Variants in LRP1 observed in about 807,000 individuals in gnomAD.
The protein encoded by LRP1 is LDL receptor related protein 1.
Under a neutral mutation model 541.5 loss-of-function variants are expected in LRP1, and 51 were observed. That is an observed-to-expected ratio of 0.09 (90% CI 0.08 to 0.12). LRP1 has a LOEUF of 0.12. Among genes scored for constraint, LRP1 ranks in the 10% least tolerant of loss-of-function variants. The pLI is 1.00. For missense variants in LRP1, 3,878 were observed against 6,376.2 expected (o/e 0.61, Z 13.34); for synonymous variants, 2,219 against 2,470.8 (o/e 0.90, Z 3.02).
At chr12:57,196,861 C>T in intron 55 of LRP1, 121 bp from the exon 56 acceptor site, 1 of 821,060 alleles carries the variant, frequency 1.2e-6, no homozygotes. Context: ...GGGCTCAGTA[C>T]CCATATGCTG....
chr12:57,200,826 G>GCCCCCCCCACCCCCCCCCC lies in LRP1; in HGVS notation c.10225+14_10225+15insCCCCCACCCCCCCCCCCCC. 6.3e-7 allele frequency: 1 copy of GCCCCCCCCACCCCCCCCCC among 1,581,438 alleles called. No individual in the cohort carries two copies. Among genetic ancestry groups the GCCCCCCCCACCCCCCCCCC allele is most frequent in the Non-Finnish European group, 8.6e-7 (1 of 1,157,680 alleles). On this transcript the variant is annotated intron_variant, in intron 64 of 88. Coordinates refer to ENST00000243077, the MANE Select transcript of LRP1 (RefSeq NM_002332.3). ...ACGAGGCCAACTGTGGTAAGGCGCT[G>GCCCCCCCCACCCCCCCCCC]CCCGCCCACCCTCCCTCCTTCCCCA...
At chr12:57,136,720 C>T (rs983887763) in intron 1 of LRP1, among the ~76,000 whole-genome samples, 2 of 152,134 alleles carry the variant, frequency 1.3e-5, no homozygotes, top group African/African-American at 4.8e-5. Context: ...AGTGGGAATT[C>T]GGAGGACTGG....
Position 57,194,416 on chromosome 12 carries a change from G to A in LRP1, c.7981G>A (p.Glu2661Lys), listed in dbSNP as rs931740760. ...GAAGGGCGTGCTCTTCCAGCCCTGC[G>A]AGCGGACCTCACTCTGCTACGCACC... ...GVKGVLFQPC[E>K]RTSLCYAPSW... The change falls in exon 49 of 89, where the codon GAG becomes AAG. Residue 2661 changes from glutamate (E) to lysine (K), a missense_variant. Glu to Lys is a moderately conservative substitution (Grantham distance 56). Around this residue, in one of 13 missense-constraint regions of LRP1, gnomAD observed 1,100 missense variants for 1,827.4 expected, o/e 0.60. Transcript: ENST00000243077. 17 of 1,527,186 alleles carry A rather than the reference G, an allele frequency of 1.1e-5. No individual in the cohort carries two copies. Among genetic ancestry groups the A allele is most frequent in the Admixed American group, 4.3e-5 (2 of 46,578 alleles). 94.6% of individuals were successfully genotyped at this position (1,527,186 alleles called of 1,614,324 possible).
chr12:57,152,897 C>A (rs1004427849), intron 6 of LRP1, among the ~76,000 whole-genome samples: 2 of 152,106 alleles, frequency 1.3e-5, no homozygotes, highest in Non-Finnish European at 2.9e-5. Flanking sequence ...GTTCTTTTTG[C>A]CCCCACCCCA....
rs1379942472 is a variant in LRP1, at chr12:57,156,159, C to T, written c.1293C>T (p.Ala431=). Residue 431 remains alanine, a synonymous_variant, in exon 9 of 89, where the codon GCC becomes GCT. Transcript: ENST00000243077. The surrounding 1 kb of genome is among the most constrained non-coding windows in gnomAD (Gnocchi z 5.2). ...TCTATGCCACCAACTCGGACAATGCCAATGCCCAGCAGAAGACGAGTGTGA... is the reference window on the plus strand; with the variant it reads ...TCTATGCCACCAACTCGGACAATGCTAATGCCCAGCAGAAGACGAGTGTGA... The part of the protein sequence containing the change: ...NYLYATNSDN[A]NAQQKTSVIR... 6.2e-7 allele frequency: 1 copy of T among 1,613,926 alleles called. No individual in the cohort carries two copies. Among genetic ancestry groups the T allele is most frequent in the African/African-American group, 1.3e-5 (1 of 74,872 alleles).
intron 20 of LRP1, among the ~76,000 whole-genome samples, chr12:57,170,896 C>T (rs2035932525): frequency 2.0e-5 from 3 of 152,216 alleles, no homozygotes; most frequent in Admixed American, 1.3e-4. Flanking sequence ...CACTAGATTA[C>T]AGCCTCTGCC....
chr12:57,163,128 G>A (rs2035772045), intron 15 of LRP1, 145 bp downstream of exon 15: 4 of 1,236,224 alleles, frequency 3.2e-6, no homozygotes, highest in Non-Finnish European at 4.4e-6. Context: ...AGCAAGGGAG[G>A]GGGAGAGCAA....
In LRP1 at chr12:57,156,955, GA is replaced by G. The variant is rs1157922023; in HGVS notation, c.1561+36del. ...AGGGAAGGGGGTGTGTGCCCATTGGGAGGCTGCGGGAGGGTTCCTCAGGTGT... is the reference window on the plus strand; with the variant it reads ...AGGGAAGGGGGTGTGTGCCCATTGGGGGCTGCGGGAGGGTTCCTCAGGTGT... On this transcript the variant is annotated intron_variant, in intron 10 of 88. Coordinates refer to ENST00000243077, the MANE Select transcript of LRP1 (RefSeq NM_002332.3). The surrounding 1 kb of genome is among the most constrained non-coding windows in gnomAD (Gnocchi z 5.2). 1.3e-6 allele frequency: 2 copies of G among 1,526,250 alleles called. No individual in the cohort carries two copies. The highest frequency in any genetic ancestry group is 2.4e-5 in the South Asian group (2 of 81,888). The allele number at this position is 1,526,250 out of a possible 1,614,324, so 94.5% of individuals were successfully genotyped here.
In LRP1 at chr12:57,195,761, T is replaced by C. The variant is rs773758802; in HGVS notation, c.8541T>C (p.Ser2847=). The C allele has an allele frequency of 3.7e-6, 6 of 1,614,078 alleles. No individual in the cohort carries two copies. The African/African-American group carries it at 6.7e-5, about 18-fold the overall frequency. Residue 2847 remains serine (S), a synonymous_variant, in exon 53 of 89, where the codon TCT becomes TCC. Transcript: ENST00000243077. The stretch of plus-strand genomic sequence containing the variant: ...ACGACCGTGACTGTGCAGATGGCTC[T>C]GATGAGTCCCCCGAGTGTGGTGAGC... ...CDHDRDCADG[S]DESPECEYPT...
rs2035658135 is a variant in LRP1, at chr12:57,158,182, C to T, written c.1562-220C>T. On this transcript the variant is annotated intron_variant, in intron 10 of 88. Transcript: ENST00000243077. The surrounding 1 kb of genome is among the most constrained non-coding windows in gnomAD (Gnocchi z 5.3). ...CCTGCTATTCTTCCCTCATTTCCTACCCTTGGAGTGCAGAGGTCAGACCCC... is the reference window on the plus strand; with the variant it reads ...CCTGCTATTCTTCCCTCATTTCCTATCCTTGGAGTGCAGAGGTCAGACCCC... 6.6e-6 allele frequency among the ~76,000 whole-genome samples: 1 copy of T among 152,200 alleles called. No homozygotes were observed. Among genetic ancestry groups the T allele is most frequent in the Non-Finnish European group, 1.5e-5 (1 of 68,024 alleles).
chr12:57,212,952 T>G lies in LRP1; in HGVS notation c.*397T>G, dbSNP rs2036950235. On this transcript the variant is annotated 3_prime_UTR_variant, in exon 89 of 89. Transcript: ENST00000243077. The surrounding 1 kb of genome is among the most constrained non-coding windows in gnomAD (Gnocchi z 5.0). ...GCTCCCACAGCTTCCTGAGGGCTAATTCTGGGAAGGGAGAGTTCTTTGCTG... is the reference window on the plus strand; with the variant it reads ...GCTCCCACAGCTTCCTGAGGGCTAAGTCTGGGAAGGGAGAGTTCTTTGCTG... 2 of 169,670 alleles carry G rather than the reference T, an allele frequency of 1.2e-5. No homozygotes were observed. The highest frequency in any genetic ancestry group is 3.0e-4 in the South Asian group (2 of 6,650). The allele number at this position is 169,670 out of a possible 1,614,324, so 10.5% of individuals were successfully genotyped here. A position where few individuals can be genotyped will look rare whatever the true frequency, so the allele number is the denominator to read the frequency against.
chr12:57,161,599 G>T (rs1351072500), intron 13 of LRP1, among the ~76,000 whole-genome samples: 1 of 151,976 alleles, frequency 6.6e-6, no homozygotes, highest in Non-Finnish European at 1.5e-5. Flanking sequence ...CCCCTCTCTG[G>T]TCTCTTTTCT....
intron 68 of LRP1, 84 bp from the exon 69 acceptor site, chr12:57,203,097 C>G: frequency 4.0e-6 from 4 of 1,005,816 alleles, no homozygotes; most frequent in Non-Finnish European, 4.3e-6. Flanking sequence ...CGGGGATGGG[C>G]CTTGGGCTCG....
At chr12:57,194,060 C>A (rs748959811) in intron 48 of LRP1, 48 bp downstream of exon 48, 3 of 1,509,966 alleles carry the variant, frequency 2.0e-6, no homozygotes, top group Admixed American at 1.7e-5. Context: ...CCCCATCGCT[C>A]ACTGCATCTC....
Position 57,180,053 on chromosome 12 carries a change from C to T in LRP1, c.5148C>T (p.Leu1716=). The change falls in exon 31 of 89, where the codon CTC becomes CTT. Residue 1716 remains leucine, a synonymous_variant. Transcript: ENST00000243077. Reference sequence around the variant, plus strand: ...CTTGGCACCCTCCCCCCAGGAAGCTCTACTGGACCGATGGTGACAACATCA... The same window carrying T: ...CTTGGCACCCTCCCCCCAGGAAGCTTTACTGGACCGATGGTGACAACATCA... The part of the protein sequence containing the change: ...GLVVHPLRGK[L]YWTDGDNISM... 1.2e-6 allele frequency: 2 copies of T among 1,613,898 alleles called. No individual in the cohort carries two copies. The highest frequency in any genetic ancestry group is 4.5e-5 in the East Asian group (2 of 44,876).
rs896927130 is a variant in LRP1 at position 57,169,325 on chromosome 12, G to A, written c.3163+18G>A. ...CAACCAGGGTGGGCACCAGGGGCCCGTGGGGTGGGGATGAGATCGAGCCCC... is the reference window on the plus strand; with the variant it reads ...CAACCAGGGTGGGCACCAGGGGCCCATGGGGTGGGGATGAGATCGAGCCCC... On this transcript the variant is annotated intron_variant, in intron 20 of 88. Transcript: ENST00000243077. The A allele has an allele frequency of 5.7e-6, 9 of 1,591,404 alleles. No homozygotes were observed. The highest frequency in any genetic ancestry group is 2.7e-5 in the African/African-American group (2 of 74,668).
intron 1 of LRP1, 146 bp downstream of exon 1, chr12:57,129,177 G>T (rs1307408354): frequency 2.4e-6 from 2 of 848,794 alleles, no homozygotes; most frequent in African/African-American, 3.4e-5. Flanking sequence ...CCCGACTGGG[G>T]GCGGGGATGG....
chr12:57,210,489 C>T lies in LRP1; in HGVS notation c.12754+9C>T, dbSNP rs1444656594. The T allele has an allele frequency of 2.0e-6, 3 of 1,522,166 alleles. No individual in the cohort carries two copies. The highest frequency in any genetic ancestry group is 2.8e-5 in the African/African-American group (2 of 72,324). The allele number at this position is 1,522,166 out of a possible 1,614,324, so 94.3% of individuals were successfully genotyped here. A position where few individuals can be genotyped will look rare whatever the true frequency, so the allele number is the denominator to read the frequency against. ...TGCTGCCTCCCCCTCTGGTATGCCC[C>T]CTCATCCCGCCACGCCTGCTCCTTG... On this transcript the variant is annotated intron_variant, in intron 82 of 88. Transcript: ENST00000243077.
chr12:57,175,392 C>G (rs2036022441), intron 22 of LRP1, 68 bp from the exon 23 acceptor site: 1 of 1,592,156 alleles, frequency 6.3e-7, no homozygotes, highest in Admixed American at 1.7e-5. Flanking sequence ...TGGGGCCCAG[C>G]AGGGCCGTGG....
Sources: allele counts gnomAD v4.1 joint callset (sites outside exome capture counted in the v4.1 genomes callset), GRCh38; gene constraint gnomAD v4.1.1; regional missense constraint gnomAD v4.1.1; non-coding constraint Gnocchi (gnomAD v3.1); transcripts MANE v1.5; gene names NCBI Gene and HGNC (gene_info 2026-07-23, HGNC 2026-07-21).